Variants in TAFA5 observed in about 807,000 individuals in gnomAD.
The protein encoded by TAFA5 is TAFA chemokine like family member 5.
A neutral mutation model predicts 15.3 loss-of-function variants in TAFA5; 6 were observed. The ratio of observed to expected loss-of-function variants is 0.39; its 90% CI spans 0.21 to 0.77. The LOEUF (loss-of-function observed/expected upper bound fraction) is 0.77. Ranked by LOEUF, TAFA5 falls within the 30% of genes least tolerant of loss-of-function variation. The pLI is 0.41. For synonymous variants in TAFA5, 103 were observed against 80.7 expected (o/e 1.28, Z -1.48); for missense variants, 161 against 193.1 (o/e 0.83, Z 0.98).
intron 1 of TAFA5, among the ~76,000 whole-genome samples, chr22:48,516,374 C>T (rs1482270711): frequency 2.6e-5 from 4 of 152,182 alleles, no homozygotes; most frequent in Non-Finnish European, 5.9e-5. Context: ...TCCCATTCCC[C>T]TGTCACCGAG....
Position 48,566,772 on chromosome 22 carries a change from A to C in TAFA5, c.112+77068A>C, listed in dbSNP as rs1051678995. On this transcript the variant is annotated intron_variant, in intron 1 of 3. Coordinates refer to ENST00000402357, the MANE Select transcript of TAFA5 (RefSeq NM_001082967.3). The surrounding 1 kb of genome is among the most constrained non-coding windows in gnomAD (Gnocchi z 4.5). ...CCTGTAGAGAACCCAGCCCCTGATC[A>C]TGCTCTCCTCCTTTTGCCTGTGTCC... Among the ~76,000 whole-genome samples, 1 of 152,154 alleles carries C rather than the reference A, an allele frequency of 6.6e-6. No homozygotes were observed. Among genetic ancestry groups the C allele is most frequent in the African/African-American group, 2.4e-5 (1 of 41,428 alleles).
intron 1 of TAFA5, among the ~76,000 whole-genome samples, chr22:48,496,423 G>C (rs1928325987): frequency 6.6e-6 from 1 of 152,160 alleles, no homozygotes; most frequent in Admixed American, 6.5e-5. Context: ...GCAGTGAGCT[G>C]TACGGTGAGG....
intron 1 of TAFA5, among the ~76,000 whole-genome samples, chr22:48,640,898 G>A (rs1156584447): frequency 6.9e-6 from 1 of 145,362 alleles, no homozygotes; most frequent in African/African-American, 2.6e-5. Context: ...TGAGAACAGT[G>A]GGGGGCTGTT....
intron 1 of TAFA5, among the ~76,000 whole-genome samples, chr22:48,496,691 C>T (rs1174613151): frequency 6.6e-6 from 1 of 152,148 alleles, no homozygotes; most frequent in Non-Finnish European, 1.5e-5. Flanking sequence ...GTTTAGGGCG[C>T]TGTGTGGTCC....
chr22:48,617,847 A>T (rs1925666670), intron 1 of TAFA5, among the ~76,000 whole-genome samples: 1 of 34,352 alleles, frequency 2.9e-5, no homozygotes, highest in Admixed American at 3.1e-4. Context: ...CCCTGCCTGG[A>T]GGTGCACAAG....
intron 1 of TAFA5, among the ~76,000 whole-genome samples, chr22:48,512,474 G>C (rs981863330): frequency 6.6e-6 from 1 of 152,062 alleles, no homozygotes; most frequent in African/African-American, 2.4e-5. Context: ...CGGGTGCAGT[G>C]GTGGGCACCT....
At chr22:48,670,871 A>G (rs1198520374) in intron 2 of TAFA5, among the ~76,000 whole-genome samples, 3 of 152,188 alleles carry the variant, frequency 2.0e-5, no homozygotes, top group Non-Finnish European at 4.4e-5. Context: ...TACAATAAAT[A>G]AGGCAGGGAA....
chr22:48,677,640 C>A (rs761118857), intron 2 of TAFA5, among the ~76,000 whole-genome samples: 2 of 152,212 alleles, frequency 1.3e-5, no homozygotes, highest in Non-Finnish European at 2.9e-5. Context: ...TTCTCCTCCC[C>A]GAGGCCTCCC....
At chr22:48,702,797 G>A (rs1377294382) in intron 2 of TAFA5, among the ~76,000 whole-genome samples, 1 of 152,230 alleles carries the variant, frequency 6.6e-6, no homozygotes, top group Non-Finnish European at 1.5e-5. Context: ...TGCTTGAAAG[G>A]CCCCTTTGTC....
intron 1 of TAFA5, among the ~76,000 whole-genome samples, chr22:48,623,137 T>G (rs1195255806): frequency 1.3e-5 from 2 of 152,260 alleles, no homozygotes; most frequent in Non-Finnish European, 2.9e-5. Flanking sequence ...GCTGTCACCT[T>G]CGACCTTGCA....
At chr22:48,626,868 G>A (rs1438489744) in intron 1 of TAFA5, among the ~76,000 whole-genome samples, 2 of 152,214 alleles carry the variant, frequency 1.3e-5, no homozygotes, top group African/African-American at 2.4e-5. Context: ...TTTTGTGAAA[G>A]TGTGAGGTTG....
chr22:48,749,186 G>A (rs945677495), intron 3 of TAFA5, among the ~76,000 whole-genome samples: 2 of 152,180 alleles, frequency 1.3e-5, no homozygotes, highest in East Asian at 3.9e-4. Flanking sequence ...ACCCCTAGGG[G>A]GCCTGGAGTG....
rs959487114 is a variant in TAFA5 at position 48,675,522 on chromosome 22, C to G, written c.262+28776C>G. 1.3e-5 allele frequency among the ~76,000 whole-genome samples: 2 copies of G among 152,260 alleles called. 1 individual carries two copies. Among genetic ancestry groups the G allele is most frequent in the Non-Finnish European group, 2.9e-5 (2 of 68,038 alleles). On this transcript the variant is annotated intron_variant, in intron 2 of 3. Transcript: ENST00000402357. ...TCAGGGCAGCAAAAGGGGAAATAGG[C>G]TGGAGAAGCTTTGCCCAGACAAGTG...
At chr22:48,741,838 C>T (rs978139506) in intron 3 of TAFA5, among the ~76,000 whole-genome samples, 6 of 152,214 alleles carry the variant, frequency 3.9e-5, no homozygotes, top group Non-Finnish European at 8.8e-5. Context: ...ACAGCAGCTC[C>T]AGCAATAACA....
intron 3 of TAFA5, among the ~76,000 whole-genome samples, chr22:48,725,118 C>A (rs1010860914): frequency 2.6e-5 from 4 of 152,262 alleles, no homozygotes; most frequent in Non-Finnish European, 4.4e-5. Flanking sequence ...TGGCGGGAAG[C>A]CTGTCGGGCA....
At chr22:48,627,894 G>C (rs781610614) in intron 1 of TAFA5, among the ~76,000 whole-genome samples, 1 of 152,214 alleles carries the variant, frequency 6.6e-6, no homozygotes, top group Non-Finnish European at 1.5e-5. Flanking sequence ...CAGCAAGGAC[G>C]GGGGGTTGCA....
chr22:48,523,408 TC>T (rs927339866), intron 1 of TAFA5, among the ~76,000 whole-genome samples: 20 of 152,250 alleles, frequency 1.3e-4, no homozygotes, highest in African/African-American at 4.6e-4. Flanking sequence ...CTCGCGGCAT[TC>T]CGCTGGGCTG....
intron 1 of TAFA5, among the ~76,000 whole-genome samples, chr22:48,599,907 G>A (rs1924900998): frequency 6.6e-6 from 1 of 152,172 alleles, no homozygotes; most frequent in Admixed American, 6.5e-5. Context: ...AGCTGTCTTG[G>A]CCTAGAACAC....
At chr22:48,670,794 A>G (rs1927779321) in intron 2 of TAFA5, among the ~76,000 whole-genome samples, 1 of 152,192 alleles carries the variant, frequency 6.6e-6, no homozygotes, top group South Asian at 2.1e-4. Context: ...GCAATTTTAC[A>G]TGATGGAGAC....
Sources: allele counts gnomAD v4.1 joint callset (sites outside exome capture counted in the v4.1 genomes callset), GRCh38; gene constraint gnomAD v4.1.1; non-coding constraint Gnocchi (gnomAD v3.1); transcripts MANE v1.5; gene names NCBI Gene and HGNC (gene_info 2026-07-23, HGNC 2026-07-21).